Variants in SIGLEC5 observed in about 807,000 individuals in gnomAD.
SIGLEC5 encodes the protein sialic acid-binding Ig-like lectin 5.
In SIGLEC5, 34 loss-of-function variants were observed where a neutral mutation model predicts 45.9. That is an observed-to-expected ratio of 0.74 (90% CI 0.56 to 0.99). The LOEUF is 0.99. Ranked by LOEUF, SIGLEC5 falls within the 50% of genes least tolerant of loss-of-function variation. SIGLEC5 has a pLI of 0.00. For synonymous variants in SIGLEC5, 203 were observed against 258.6 expected (o/e 0.79, Z 2.06); for missense variants, 508 against 629.6 (o/e 0.81, Z 2.07).
chr19:51,621,432 G>T (rs1458966139), intron 8 of SIGLEC5: 1 of 152,216 alleles, frequency 6.6e-6, no homozygotes, highest in Non-Finnish European at 1.5e-5. Flanking sequence ...CAAAAAAAGT[G>T]ATTATTCAGG....
intron 8 of SIGLEC5, 106 bp downstream of exon 8, chr19:51,625,926 A>G: frequency 1.2e-6 from 1 of 806,118 alleles, no homozygotes. Context: ...AGGAGAGAAG[A>G]GAACTCCCAG....
chr19:51,615,933 C>A (rs917028613), intron 8 of SIGLEC5, among the ~76,000 whole-genome samples: 4 of 152,210 alleles, frequency 2.6e-5, no homozygotes, highest in Non-Finnish European at 5.9e-5. Flanking sequence ...TGTGCCACCA[C>A]ACCTGGCTAA....
In SIGLEC5 at chr19:51,612,197, C is replaced by A. The variant is rs776625158; in HGVS notation, c.*34G>T. ...GTCCTTTCCCCCAGACAGGCTGTGG[C>A]TCCTCCAGCCAGGACTGAACTCTGG... On this transcript the variant is annotated 3_prime_UTR_variant, in exon 9 of 9. Coordinates refer to ENST00000683636, the MANE Select transcript of SIGLEC5 (RefSeq NM_003830.4). 5.3e-6 allele frequency: 8 copies of A among 1,523,648 alleles called. No homozygotes were observed. The highest frequency in any genetic ancestry group is 7.1e-6 in the Non-Finnish European group (8 of 1,129,022). The allele number at this position is 1,523,648 out of a possible 1,614,324, so 94.4% of individuals were successfully genotyped here. A position where few individuals can be genotyped will look rare whatever the true frequency, so the allele number is the denominator to read the frequency against.
intron 4 of SIGLEC5, 73 bp downstream of exon 4, chr19:51,628,965 C>T (rs111907014): frequency 4.2e-6 from 6 of 1,417,640 alleles, no homozygotes; most frequent in Non-Finnish European, 5.9e-6. Flanking sequence ...TGCATTCAAG[C>T]TCTGATTCTC....
intron 8 of SIGLEC5, among the ~76,000 whole-genome samples, chr19:51,623,770 TG>T (rs1235290240): frequency 1.3e-5 from 2 of 152,198 alleles, no homozygotes; most frequent in Non-Finnish European, 2.9e-5. Flanking sequence ...CTTTAGGTGA[TG>T]CTAAAGGAAA....
In SIGLEC5 at chr19:51,627,449, T is replaced by C; in HGVS notation, c.1282+13A>G. ...CCCCTCAGGCCCCTGCCCTCTGCAA[T>C]ACGCCCCCTGACCTTGCAGCAGCAG... is the stretch of plus-strand genomic sequence containing the variant. On this transcript the variant is annotated intron_variant, in intron 6 of 8. Coordinates refer to ENST00000683636, the MANE Select transcript of SIGLEC5 (RefSeq NM_003830.4). The C allele has an allele frequency of 6.2e-7, 1 of 1,605,714 alleles. No individual in the cohort carries two copies. Among genetic ancestry groups the C allele is most frequent in the Non-Finnish European group, 8.5e-7 (1 of 1,175,202 alleles).
At chr19:51,615,554 G>T (rs986467333) in intron 8 of SIGLEC5, among the ~76,000 whole-genome samples, 14 of 152,228 alleles carry the variant, frequency 9.2e-5, no homozygotes, top group Non-Finnish European at 1.0e-4. Context: ...GAGAACGGAG[G>T]TGGAAGCTCA....
chr19:51,626,445 G>C (rs1455937020), intron 7 of SIGLEC5, among the ~76,000 whole-genome samples: 1 of 152,104 alleles, frequency 6.6e-6, no homozygotes, highest in Non-Finnish European at 1.5e-5. Context: ...AATCAAATGC[G>C]TTCCATTTAT....
intron 8 of SIGLEC5, among the ~76,000 whole-genome samples, chr19:51,617,727 A>G (rs1192506191): frequency 6.6e-6 from 1 of 152,154 alleles, no homozygotes; most frequent in Admixed American, 6.5e-5. Context: ...AAAGAGAAAG[A>G]AGAACAGAAA....
At chr19:51,614,475 G>A (rs1982978162) in intron 8 of SIGLEC5, among the ~76,000 whole-genome samples, 1 of 152,090 alleles carries the variant, frequency 6.6e-6, no homozygotes, top group South Asian at 2.1e-4. Flanking sequence ...GGGAAAAATG[G>A]CTTCATTGTG....
At chr19:51,614,965 CAAA>C (rs1040286789) in intron 8 of SIGLEC5, among the ~76,000 whole-genome samples, 2 of 151,846 alleles carry the variant, frequency 1.3e-5, no homozygotes, top group Non-Finnish European at 2.9e-5. Flanking sequence ...TAGGAGAAAA[CAAA>C]AAAACAGAGA....
At chr19:51,626,853 GA>G (rs1023159828) in intron 7 of SIGLEC5, among the ~76,000 whole-genome samples, 38 of 152,030 alleles carry the variant, frequency 2.5e-4, no homozygotes, top group Middle Eastern at 3.4e-3. Context: ...TATTAGAAAA[GA>G]AAAAAAGAAA....
chr19:51,624,698 G>T (rs1983413508), intron 8 of SIGLEC5, among the ~76,000 whole-genome samples: 1 of 152,134 alleles, frequency 6.6e-6, no homozygotes, highest in African/African-American at 2.4e-5. Flanking sequence ...GCCGCACGCG[G>T]TGGCTCACAC....
In SIGLEC5 at chr19:51,627,327, CA is replaced by C. The variant is rs1983522047; in HGVS notation, c.1283-80del. 1.9e-6 allele frequency: 3 copies of C among 1,549,418 alleles called. No individual in the cohort carries two copies. The East Asian group carries it at 6.7e-5, about 35-fold the overall frequency. On this transcript the variant is annotated intron_variant, in intron 6 of 8. Coordinates refer to ENST00000683636, the MANE Select transcript of SIGLEC5 (RefSeq NM_003830.4). ...CTCCCACCTGCTGGGCAACTTGCTC[CA>C]GGGCCCTGCTCAGACAGGAGATGAA...
intron 8 of SIGLEC5, among the ~76,000 whole-genome samples, chr19:51,622,599 T>C (rs1418916453): frequency 6.6e-6 from 1 of 152,122 alleles, no homozygotes; most frequent in Non-Finnish European, 1.5e-5. Context: ...AAATTGACTA[T>C]TGGAGTAGAA....
chr19:51,620,692 T>A (rs1402516181), intron 8 of SIGLEC5, among the ~76,000 whole-genome samples: 9 of 152,206 alleles, frequency 5.9e-5, no homozygotes, highest in African/African-American at 1.9e-4. Flanking sequence ...CTATGTCTAC[T>A]CAACTTTGAC....
intron 8 of SIGLEC5, among the ~76,000 whole-genome samples, chr19:51,618,443 TAAAAAAAAAAA>T (rs1228951315): frequency 2.0e-5 from 1 of 49,438 alleles, no homozygotes; most frequent in Non-Finnish European, 3.4e-5. Flanking sequence ...AGACCCTGCC[TAAAAAAAAAAA>T]AAAAAAAAAA....
intron 8 of SIGLEC5, among the ~76,000 whole-genome samples, chr19:51,616,754 T>C (rs1296211736): frequency 6.6e-6 from 1 of 151,070 alleles, no homozygotes; most frequent in Non-Finnish European, 1.5e-5. Flanking sequence ...TCTAAAAAAA[T>C]ACAAAAATTA....
At chr19:51,624,020 G>C (rs749135385) in intron 8 of SIGLEC5, among the ~76,000 whole-genome samples, 1 of 152,022 alleles carries the variant, frequency 6.6e-6, no homozygotes, top group African/African-American at 2.4e-5. Flanking sequence ...TGAGCCTTGC[G>C]TGGTGGTACA....
Sources: gnomAD v4.1 joint callset for allele counts (sites outside exome capture counted in the v4.1 genomes callset) on GRCh38, gnomAD v4.1.1 for gene constraint, MANE v1.5 for transcripts, NCBI Gene and HGNC (gene_info 2026-07-23, HGNC 2026-07-21) for gene names.